Variants in PLD1 observed in about 807,000 individuals in gnomAD.
The protein encoded by PLD1 is choline phosphatase 1.
PLD1 carries 112 observed loss-of-function variants against 137.1 expected under a neutral mutation model. The observed-to-expected ratio is 0.82, with a 90% CI of 0.70 to 0.96. PLD1 has a LOEUF of 0.96. Among genes scored for constraint, PLD1 ranks in the 40% least tolerant of loss-of-function variants. The pLI, the probability that PLD1 is intolerant of heterozygous loss-of-function variation, is 0.00. For synonymous variants in PLD1, 431 were observed against 454.7 expected (o/e 0.95, Z 0.66); for missense variants, 1,321 against 1,342.0 (o/e 0.98, Z 0.24).
At chr3:171,729,363 A>C (rs1279952661) in intron 6 of PLD1, among the ~76,000 whole-genome samples, 2 of 152,222 alleles carry the variant, frequency 1.3e-5, no homozygotes, top group East Asian at 3.8e-4. Flanking sequence ...AACGTTAGAG[A>C]AACAGAGAAG....
At chr3:171,762,884 G>A (rs541511452) in intron 1 of PLD1, among the ~76,000 whole-genome samples, 15 of 152,176 alleles carry the variant, frequency 9.9e-5, no homozygotes, top group Non-Finnish European at 2.1e-4. Flanking sequence ...TAACATGTGT[G>A]AGAACATTCT....
In PLD1 at chr3:171,602,813, A is replaced by G. The variant is rs1291148640; in HGVS notation, c.*265T>C. The G allele has an allele frequency of 4.7e-6, 2 of 421,708 alleles. No individual in the cohort carries two copies. Among genetic ancestry groups the G allele is most frequent in the Non-Finnish European group, 8.5e-6 (2 of 235,662 alleles). 26.1% of individuals were successfully genotyped at this position (421,708 alleles called of 1,614,324 possible). A position where few individuals can be genotyped will look rare whatever the true frequency, so the allele number is the denominator to read the frequency against. On this transcript the variant is annotated 3_prime_UTR_variant, in exon 27 of 27. Coordinates refer to ENST00000351298, the MANE Select transcript of PLD1 (RefSeq NM_002662.5). ...ATGGATTTTGGTATACGGAATTTGA[A>G]TATGTGTTTTACTCAACAGAGTACA... is the stretch of plus-strand genomic sequence containing the variant.
At chr3:171,669,098 A>G (rs929813879) in intron 19 of PLD1, among the ~76,000 whole-genome samples, 9 of 152,266 alleles carry the variant, frequency 5.9e-5, no homozygotes, top group African/African-American at 2.2e-4. Flanking sequence ...TAACTTTTTC[A>G]GGAGCAGCAA....
In PLD1 at chr3:171,737,551, C is replaced by A; in HGVS notation, c.269G>T (p.Arg90Leu). ...TCTGACCCTTGTTGTAGATGTGAAG[C>A]GTTCCACTTCCAGAACTTGTGCTTT... is the stretch of plus-strand genomic sequence containing the variant. ...PIKAQVLEVE[R>L]FTSTTRVPSI... The change falls in exon 3 of 27, where the codon CGC becomes CTC. Residue 90 changes from arginine to leucine, a missense_variant. Coordinates refer to ENST00000351298, the MANE Select transcript of PLD1 (RefSeq NM_002662.5). 1 of 1,610,666 alleles carries A rather than the reference C, an allele frequency of 6.2e-7. No homozygotes were observed. The highest frequency in any genetic ancestry group is 8.5e-7 in the Non-Finnish European group (1 of 1,179,182).
intron 16 of PLD1, among the ~76,000 whole-genome samples, chr3:171,681,175 G>A (rs1409874581): frequency 1.3e-5 from 2 of 152,172 alleles, no homozygotes; most frequent in African/African-American, 4.8e-5. Context: ...TCACAGGTCA[G>A]CAAAATCTGA....
intron 1 of PLD1, among the ~76,000 whole-genome samples, chr3:171,794,855 C>CA (rs1033847770): frequency 4.6e-5 from 7 of 151,588 alleles, no homozygotes; most frequent in South Asian, 2.1e-4. Flanking sequence ...TACAAGAGTT[C>CA]AAAAAAAACC....
chr3:171,654,194 T>C (rs879345344), intron 21 of PLD1: 3 of 322,268 alleles, frequency 9.3e-6, no homozygotes, highest in Non-Finnish European at 1.9e-5. Flanking sequence ...TCCCAGATAC[T>C]CGGGAGGCTG....
chr3:171,696,018 T>C (rs888482728), intron 12 of PLD1, among the ~76,000 whole-genome samples: 2 of 152,210 alleles, frequency 1.3e-5, no homozygotes, highest in African/African-American at 4.8e-5. Context: ...TTTGATTTTC[T>C]GTGTAGAGAT....
At chr3:171,730,532 T>C (rs1718855114) in intron 6 of PLD1, among the ~76,000 whole-genome samples, 1 of 152,146 alleles carries the variant, frequency 6.6e-6, no homozygotes. Flanking sequence ...GAACTGTCCA[T>C]GTCTAATTTC....
chr3:171,733,057 C>T (rs1296765826), intron 6 of PLD1, among the ~76,000 whole-genome samples: 2 of 152,202 alleles, frequency 1.3e-5, no homozygotes, highest in Non-Finnish European at 2.9e-5. Context: ...AATCTTCAGG[C>T]ATTCAACTCC....
chr3:171,778,806 T>A (rs1230130635), intron 1 of PLD1, among the ~76,000 whole-genome samples: 4 of 152,206 alleles, frequency 2.6e-5, no homozygotes, highest in Non-Finnish European at 1.5e-5. Flanking sequence ...TTTACGTTTT[T>A]CCTTAAATAT....
intron 1 of PLD1, among the ~76,000 whole-genome samples, chr3:171,739,288 C>T (rs1342594147): frequency 6.6e-6 from 1 of 152,118 alleles, no homozygotes; most frequent in Non-Finnish European, 1.5e-5. Context: ...ACTTACACAG[C>T]CCTTATTATA....
In PLD1 at chr3:171,668,762, G is replaced by A. The variant is rs1712424361; in HGVS notation, c.2229+5738C>T. Among the ~76,000 whole-genome samples the A allele has an allele frequency of 3.3e-5, 5 of 152,154 alleles. No homozygotes were observed. The South Asian group carries it at 1.0e-3, about 32-fold the overall frequency. On this transcript the variant is annotated intron_variant, in intron 19 of 26. Coordinates refer to ENST00000351298, the MANE Select transcript of PLD1 (RefSeq NM_002662.5). ...GCTTTAAAAAGGATTGTTCCCATGT[G>A]TTGACCCCATGTTGATGCTGACACG... is the stretch of plus-strand genomic sequence containing the variant.
rs73038021 is a variant in PLD1, at chr3:171,602,284, C to T, written c.*794G>A. ...TGCTCTCAGTTTTAGCTGGTTGTTA[C>T]GTAATCAAATATCCCATGCATGTTT... On this transcript the variant is annotated 3_prime_UTR_variant, in exon 27 of 27. Transcript: ENST00000351298. 6,158 of 152,278 alleles carry T rather than the reference C, an allele frequency of 0.04. 292 individuals are homozygous for T. The highest frequency in any genetic ancestry group is 0.12 in the African/African-American group (4,992 of 41,528). 9.4% of individuals were successfully genotyped at this position (152,278 alleles called of 1,614,324 possible). A position where few individuals can be genotyped will look rare whatever the true frequency, so the allele number is the denominator to read the frequency against.
intron 1 of PLD1, among the ~76,000 whole-genome samples, chr3:171,739,973 G>C (rs1226914546): frequency 6.6e-6 from 1 of 152,122 alleles, no homozygotes; most frequent in Non-Finnish European, 1.5e-5. Context: ...ACCCTAACAG[G>C]AAGAATTGGA....
chr3:171,703,989 C>T (rs1267496465), intron 11 of PLD1, among the ~76,000 whole-genome samples: 1 of 152,136 alleles, frequency 6.6e-6, no homozygotes, highest in African/African-American at 2.4e-5. Context: ...TTGCAGAGCA[C>T]AGTAAATAAA....
chr3:171,628,790 G>C (rs1734374650), intron 23 of PLD1, among the ~76,000 whole-genome samples: 1 of 152,060 alleles, frequency 6.6e-6, no homozygotes. Flanking sequence ...ATGCAGAAAA[G>C]GCCTTTGACA....
chr3:171,646,561 T>C (rs904824301), intron 21 of PLD1, among the ~76,000 whole-genome samples: 1 of 151,336 alleles, frequency 6.6e-6, no homozygotes, highest in African/African-American at 2.4e-5. Flanking sequence ...ATGGCAAACA[T>C]AGTTTGAGTT....
Position 171,677,711 on chromosome 3 carries a change from AC to A in PLD1, c.1868-18del. On this transcript the variant is annotated intron_variant, in intron 16 of 26. Transcript: ENST00000351298. ...ACCCGGTATCTGTGAATGCAGCAAGACCCCCTCAGAGACTGTGGTTCAGGTG... is the reference window on the plus strand; with the variant it reads ...ACCCGGTATCTGTGAATGCAGCAAGACCCCTCAGAGACTGTGGTTCAGGTG... 2 of 1,612,172 alleles carry A rather than the reference AC, an allele frequency of 1.2e-6. No individual in the cohort carries two copies. Among genetic ancestry groups the A allele is most frequent in the Non-Finnish European group, 1.7e-6 (2 of 1,179,142 alleles).
Sources: gnomAD v4.1 joint callset for allele counts (sites outside exome capture counted in the v4.1 genomes callset) on GRCh38, gnomAD v4.1.1 for gene constraint, MANE v1.5 for transcripts, NCBI Gene and HGNC (gene_info 2026-07-23, HGNC 2026-07-21) for gene names.